Variants in RNF17 observed in about 807,000 individuals in gnomAD.
The protein encoded by RNF17 is ring finger protein 17.
In RNF17, 31 loss-of-function variants were observed where a neutral mutation model predicts 200.5. That is an observed-to-expected ratio of 0.15 (90% CI 0.12 to 0.21). The LOEUF (loss-of-function observed/expected upper bound fraction) is 0.21. Ranked by LOEUF, RNF17 falls within the 10% of genes least tolerant of loss-of-function variation. The probability of loss-of-function intolerance (pLI) is 1.00; values close to 1 mark genes in which losing one functional copy is unlikely to be tolerated. For missense variants in RNF17, 1,628 were observed against 1,905.1 expected (o/e 0.85, Z 2.71); for synonymous variants, 606 against 637.8 (o/e 0.95, Z 0.75).
chr13:24,765,420 C>A (rs888475416), intron 1 of RNF17, among the ~76,000 whole-genome samples: 2 of 152,122 alleles, frequency 1.3e-5, no homozygotes, highest in Non-Finnish European at 2.9e-5. Context: ...TATTACCTGG[C>A]GTAACTGTTT....
rs60054136 is a variant in RNF17, at chr13:24,815,428, GGTGTGTGTGTGTGTGTGTGT to G, written c.2092-10164_2092-10145del. On this transcript the variant is annotated intron_variant, in intron 15 of 35. Transcript: ENST00000255324. ...TGAATTAATTTGGTAGCCCTAACGGGGTGTGTGTGTGTGTGTGTGTGTGTGTGTGTGTGTGTGTGTGTGTG... is the reference window on the plus strand; with the variant it reads ...TGAATTAATTTGGTAGCCCTAACGGGGTGTGTGTGTGTGTGTGTGTGTGTG... 9.7e-5 allele frequency among the ~76,000 whole-genome samples: 14 copies of G among 144,192 alleles called. No homozygotes were observed. The South Asian group carries it at 2.3e-3, about 23-fold the overall frequency. The allele number at this position is 144,192 out of a possible 152,430, so 94.6% of individuals were successfully genotyped here.
At chr13:24,805,769 G>A (rs1245317151) in intron 15 of RNF17, among the ~76,000 whole-genome samples, 1 of 152,040 alleles carries the variant, frequency 6.6e-6, no homozygotes, top group Non-Finnish European at 1.5e-5. Context: ...CTTTTTGGGG[G>A]AACTGCCGAA....
chr13:24,780,174 A>C (rs1402328445), intron 5 of RNF17, among the ~76,000 whole-genome samples: 1 of 152,170 alleles, frequency 6.6e-6, no homozygotes, highest in East Asian at 1.9e-4. Flanking sequence ...GGAGTTCAAA[A>C]GGTTATAGCT....
chr13:24,881,628 CTA>C (rs986438198), downstream of RNF17, among the ~76,000 whole-genome samples: 5 of 150,332 alleles, frequency 3.3e-5, no homozygotes, highest in African/African-American at 1.2e-4. Flanking sequence ...TATCTATAAT[CTA>C]GAGATATATC....
At chr13:24,806,129 A>G (rs1048800424) in intron 15 of RNF17, among the ~76,000 whole-genome samples, 3 of 152,142 alleles carry the variant, frequency 2.0e-5, no homozygotes, top group African/African-American at 7.2e-5. Context: ...GACTGAGAAC[A>G]TGCAGTGTTT....
intron 22 of RNF17, among the ~76,000 whole-genome samples, chr13:24,846,574 C>G (rs974427082): frequency 2.0e-5 from 3 of 152,148 alleles, no homozygotes; most frequent in East Asian, 1.9e-4. Flanking sequence ...ATCCAAATCA[C>G]TTGGGGTAGC....
intron 24 of RNF17, 25 bp from the exon 25 acceptor site, chr13:24,853,830 A>C (rs1175241311): frequency 6.5e-7 from 1 of 1,544,828 alleles, no homozygotes; most frequent in African/African-American, 1.4e-5. Context: ...TTATGTTTAG[A>C]TGTGTTCTTT....
intron 28 of RNF17, among the ~76,000 whole-genome samples, chr13:24,863,557 GAT>G (rs1341150331): frequency 2.0e-5 from 3 of 152,066 alleles, no homozygotes; most frequent in Non-Finnish European, 4.4e-5. Flanking sequence ...TGAATGGGAA[GAT>G]ATATGGTAAG....
chr13:24,882,135 T>C (rs1045550615), downstream of RNF17: 110 of 10,950 alleles, frequency 0.01, 37 homozygotes, highest in East Asian at 0.42. Flanking sequence ...TCTATATAGA[T>C]AGATACATCT....
intron 2 of RNF17, among the ~76,000 whole-genome samples, chr13:24,768,319 G>C (rs9511441): frequency 1 from 146,839 of 147,442 alleles, 73,122 homozygotes; most frequent in Middle Eastern, 1. Flanking sequence ...GAGTCTCACT[G>C]TGTCCCCCAG....
chr13:24,802,966 G>A (rs1885431239), intron 14 of RNF17, among the ~76,000 whole-genome samples: 1 of 152,178 alleles, frequency 6.6e-6, no homozygotes, highest in African/African-American at 2.4e-5. Context: ...GAGCTGAGGT[G>A]GGAGGTTTGC....
chr13:24,870,757 G>C lies in RNF17; in HGVS notation c.4447+18G>C. On this transcript the variant is annotated intron_variant, in intron 32 of 35. Transcript: ENST00000255324. ...TAGAACAGGTATACTTACTATATTT[G>C]AATGAAACAGGATACTTAATAAAAC... 1 of 1,607,754 alleles carries C rather than the reference G, an allele frequency of 6.2e-7. No individual in the cohort carries two copies. The highest frequency in any genetic ancestry group is 8.5e-7 in the Non-Finnish European group (1 of 1,175,628).
At position 24,789,360 on chromosome 13, in the gene RNF17, T is replaced by G; in HGVS notation, c.796T>G (p.Leu266Val). 1.3e-6 allele frequency: 2 copies of G among 1,599,172 alleles called. No homozygotes were observed. The highest frequency in any genetic ancestry group is 8.6e-7 in the Non-Finnish European group (1 of 1,168,458). Residue 266 changes from leucine (L) to valine (V), a missense_variant, in exon 8 of 36, where the codon TTG becomes GTG. By Grantham distance (32) the Leu-to-Val change is conservative (BLOSUM62 1). Transcript: ENST00000255324. Reference protein sequence around the residue: ...YCDLNQIIRTLQLTSDSELAQ... With the variant: ...YCDLNQIIRTVQLTSDSELAQ... ...TTTTAAATTCTAGATTATCCGGACT[T>G]TGCAGTTAACTTCAGATAGTGAATT...
the RNF17 span, among the ~76,000 whole-genome samples, chr13:24,749,500 T>A: frequency 6.6e-6 from 1 of 152,074 alleles, no homozygotes; most frequent in Non-Finnish European, 1.5e-5. Flanking sequence ...AACAATTGCT[T>A]AAGATTTTAG....
At chr13:24,835,243 T>C (rs540056821) in intron 18 of RNF17, among the ~76,000 whole-genome samples, 32 of 145,748 alleles carry the variant, frequency 2.2e-4, no homozygotes, top group African/African-American at 7.4e-4. Flanking sequence ...CTACCCCCCC[T>C]GGTAGCTGAA....
chr13:24,805,862 G>A lies in RNF17; in HGVS notation c.2091+1433G>A, dbSNP rs145760439. ...TTTCTCCACACCCTCATGAACACTT[G>A]GTTTTTTTTTTCTTTTTTAAATAAC... is the stretch of plus-strand genomic sequence containing the variant. On this transcript the variant is annotated intron_variant, in intron 15 of 35. Transcript: ENST00000255324. Among the ~76,000 whole-genome samples, 24 of 151,036 alleles carry A rather than the reference G, an allele frequency of 1.6e-4. No homozygotes were observed. In the East Asian group the frequency reaches 4.7e-3, roughly 29 times the overall value.
At chr13:24,782,608 G>GC (rs1182377340) in intron 6 of RNF17, among the ~76,000 whole-genome samples, 2 of 151,346 alleles carry the variant, frequency 1.3e-5, no homozygotes, top group Non-Finnish European at 3.0e-5. Flanking sequence ...GCTGAGATGG[G>GC]GGGGGGATCT....
chr13:24,836,176 C>A (rs532220267), intron 18 of RNF17, among the ~76,000 whole-genome samples: 109 of 152,290 alleles, frequency 7.2e-4, no homozygotes, highest in South Asian at 1.5e-3. Flanking sequence ...CCATAGACTT[C>A]TCTTCTTCCT....
At chr13:24,884,268 T>A, downstream of RNF17, 1 of 1,614,130 alleles carries the variant, frequency 6.2e-7, no homozygotes, top group African/African-American at 1.3e-5. Context: ...ACAGTCAGTC[T>A]GCCTTTTCTC....
Sources: allele counts gnomAD v4.1 joint callset (sites outside exome capture counted in the v4.1 genomes callset), GRCh38; gene constraint gnomAD v4.1.1; transcripts MANE v1.5; gene names NCBI Gene and HGNC (gene_info 2026-07-23, HGNC 2026-07-21).